Variants in MCEE observed in about 807,000 individuals in gnomAD.
MCEE encodes the protein methylmalonyl-CoA epimerase, also known as methylmalonyl-CoA epimerase, mitochondrial.
MCEE carries 6 observed loss-of-function variants against 12.9 expected under a neutral mutation model. The ratio of observed to expected loss-of-function variants is 0.47; its 90% CI spans 0.26 to 0.92. MCEE has a LOEUF of 0.92. Ranked by LOEUF, MCEE falls within the 40% of genes least tolerant of loss-of-function variation. The pLI, the probability that MCEE is intolerant of heterozygous loss-of-function variation, is 0.16. For synonymous variants in MCEE, 78 were observed against 77.9 expected (o/e 1.00, Z -0.01); for missense variants, 214 against 212.1 (o/e 1.01, Z -0.05).
chr2:71,128,040 G>C (rs758397888), intron 1 of MCEE, among the ~76,000 whole-genome samples: 2 of 152,162 alleles, frequency 1.3e-5, no homozygotes, highest in Non-Finnish European at 2.9e-5. Context: ...TTAAACATTT[G>C]ACCAGTTAAT....
At chr2:71,125,192 T>TAC (rs1361137501) in intron 1 of MCEE, among the ~76,000 whole-genome samples, 1 of 57,436 alleles carries the variant, frequency 1.7e-5, no homozygotes, top group African/African-American at 5.8e-5. Context: ...TATATAAATA[T>TAC]ATATATATAT....
chr2:71,121,943 A>C (rs187282459), intron 2 of MCEE, among the ~76,000 whole-genome samples: 59 of 152,312 alleles, frequency 3.9e-4, no homozygotes, highest in African/African-American at 1.3e-3. Flanking sequence ...CTGGAATCAG[A>C]ACCAATCTGG....
chr2:71,127,421 A>G (rs1673258785), intron 1 of MCEE, among the ~76,000 whole-genome samples: 1 of 152,262 alleles, frequency 6.6e-6, no homozygotes, highest in African/African-American at 2.4e-5. Flanking sequence ...ATTTAAAGAC[A>G]TTAGATGTTA....
intron 2 of MCEE, among the ~76,000 whole-genome samples, chr2:71,112,020 T>C (rs1426758551): frequency 6.6e-6 from 1 of 152,256 alleles, no homozygotes; most frequent in African/African-American, 2.4e-5. Flanking sequence ...AGGTTTTTTC[T>C]GTCAGCAACT....
At chr2:71,125,450 A>G (rs1407589429) in intron 1 of MCEE, among the ~76,000 whole-genome samples, 1 of 151,302 alleles carries the variant, frequency 6.6e-6, no homozygotes, top group Admixed American at 6.6e-5. Context: ...CAGGTGATCC[A>G]CCCACCTCGG....
chr2:71,116,734 G>A (rs1006201825), intron 2 of MCEE: 1 of 148,944 alleles, frequency 6.7e-6, no homozygotes, highest in African/African-American at 2.6e-5. Flanking sequence ...GTAGAGATAG[G>A]TTTCACCATG....
In MCEE at chr2:71,124,269, G is replaced by A; in HGVS notation, c.315C>T (p.Asp105=). The A allele has an allele frequency of 1.2e-6, 2 of 1,614,070 alleles. No individual in the cohort carries two copies. Among genetic ancestry groups the A allele is most frequent in the Non-Finnish European group, 1.7e-6 (2 of 1,179,918 alleles). Reference sequence around the variant, plus strand: ...TCTGCAGAAAACCTGCAATTGGACTGTCACGTCCCAATGGATGAAGCAGTT... The same window carrying A: ...TCTGCAGAAAACCTGCAATTGGACTATCACGTCCCAATGGATGAAGCAGTT... ...KMELLHPLGR[D]SPIAGFLQKN... Residue 105 remains aspartate, a synonymous_variant, in exon 2 of 3, where the codon GAC becomes GAT. Coordinates refer to ENST00000244217, the MANE Select transcript of MCEE (RefSeq NM_032601.4).
intron 1 of MCEE, among the ~76,000 whole-genome samples, chr2:71,128,688 C>A (rs1465887512): frequency 1.3e-5 from 2 of 151,998 alleles, no homozygotes; most frequent in Non-Finnish European, 2.9e-5. Context: ...TGCTACCACG[C>A]CCGGCTAATT....
chr2:71,114,054 G>T (rs1672944194), intron 2 of MCEE, among the ~76,000 whole-genome samples: 1 of 149,748 alleles, frequency 6.7e-6, no homozygotes, highest in African/African-American at 2.4e-5. Context: ...AAGGTCATCA[G>T]AAACAAGGAA....
chr2:71,125,211 A>ATATATATATATTTTTTTT, intron 1 of MCEE, among the ~76,000 whole-genome samples: 4 of 48,594 alleles, frequency 8.2e-5, no homozygotes, highest in Non-Finnish European at 1.3e-4. Context: ...ATATATATAT[A>ATATATATATATTTTTTTT]TTTTTTTTTT....
intron 1 of MCEE, 88 bp from the exon 2 acceptor site, chr2:71,124,631 G>T: frequency 1.0e-6 from 1 of 982,776 alleles, no homozygotes; most frequent in East Asian, 2.5e-5. Context: ...AATAATGCAT[G>T]CAAAAATTCA....
At chr2:71,122,434 C>T (rs567956312) in intron 2 of MCEE, among the ~76,000 whole-genome samples, 3 of 152,306 alleles carry the variant, frequency 2.0e-5, no homozygotes, top group East Asian at 3.9e-4. Context: ...TCCATTTTCA[C>T]GCTATTGATA....
chr2:71,121,100 T>G (rs976586960), intron 2 of MCEE, among the ~76,000 whole-genome samples: 1 of 152,076 alleles, frequency 6.6e-6, no homozygotes, highest in Non-Finnish European at 1.5e-5. Context: ...CTTTCTCCTT[T>G]TCCTCCTTTT....
intron 1 of MCEE, among the ~76,000 whole-genome samples, chr2:71,126,363 T>G (rs6714971): frequency 0.32 from 48,950 of 151,674 alleles, 9,893 homozygotes; most frequent in East Asian, 0.67. Flanking sequence ...GAATAATTGG[T>G]ATTACAGGCG....
intron 2 of MCEE, among the ~76,000 whole-genome samples, chr2:71,112,472 G>C (rs1672907996): frequency 8.5e-6 from 1 of 116,984 alleles, no homozygotes; most frequent in African/African-American, 3.3e-5. Flanking sequence ...GTCTCACTCT[G>C]TCACCTAGGC....
intron 2 of MCEE, among the ~76,000 whole-genome samples, chr2:71,119,608 G>A (rs1437000997): frequency 6.6e-6 from 1 of 150,446 alleles, no homozygotes; most frequent in East Asian, 1.9e-4. Context: ...AAAATGAGGA[G>A]CATGTGTGAA....
At chr2:71,129,578 T>A (rs1436963583) in intron 1 of MCEE, 3 of 152,940 alleles carry the variant, frequency 2.0e-5, no homozygotes, top group Admixed American at 6.5e-5. Context: ...TAACTGATTC[T>A]ATGTACATAT....
intron 2 of MCEE, among the ~76,000 whole-genome samples, chr2:71,119,608 G>T (rs1437000997): frequency 6.6e-6 from 1 of 150,446 alleles, no homozygotes; most frequent in Non-Finnish European, 1.5e-5. Context: ...AAAATGAGGA[G>T]CATGTGTGAA....
intron 2 of MCEE, among the ~76,000 whole-genome samples, chr2:71,117,960 C>T (rs1673025894): frequency 6.7e-6 from 1 of 150,074 alleles, no homozygotes. Flanking sequence ...CCCATCTGAG[C>T]TCCCACTCAC....
Sources: allele counts gnomAD v4.1 joint callset (sites outside exome capture counted in the v4.1 genomes callset), GRCh38; gene constraint gnomAD v4.1.1; transcripts MANE v1.5; gene names NCBI Gene and HGNC (gene_info 2026-07-23, HGNC 2026-07-21).